Variants in TTLL5 observed in about 807,000 individuals in gnomAD.
The protein encoded by TTLL5 is tubulin tyrosine ligase like 5, also known as tubulin polyglutamylase TTLL5.
TTLL5 carries 132 observed loss-of-function variants against 168.4 expected under a neutral mutation model. The observed-to-expected ratio is 0.78, with a 90% CI of 0.68 to 0.91. The LOEUF is 0.91. Ranked by LOEUF, TTLL5 falls within the 40% of genes least tolerant of loss-of-function variation. TTLL5 has a pLI of 0.00. For synonymous variants in TTLL5, 546 were observed against 558.6 expected (o/e 0.98, Z 0.32); for missense variants, 1,545 against 1,581.5 (o/e 0.98, Z 0.39).
chr14:75,774,872 A>C (rs1021714158), intron 21 of TTLL5, among the ~76,000 whole-genome samples: 1 of 151,880 alleles, frequency 6.6e-6, no homozygotes, highest in Non-Finnish European at 1.5e-5. Context: ...TATTTTTCGT[A>C]GAAATGCAGT....
intron 27 of TTLL5, among the ~76,000 whole-genome samples, chr14:75,809,475 A>G (rs1304891241): frequency 6.6e-6 from 1 of 152,150 alleles, no homozygotes. Flanking sequence ...TTTGGGGGGT[A>G]CATATGATGT....
chr14:75,862,338 A>G (rs1247599362), intron 28 of TTLL5, among the ~76,000 whole-genome samples: 2 of 152,192 alleles, frequency 1.3e-5, no homozygotes, highest in African/African-American at 2.4e-5. Context: ...TTTTCTGTAT[A>G]TATCTACAAG....
intron 27 of TTLL5, among the ~76,000 whole-genome samples, chr14:75,817,326 A>G (rs1275099468): frequency 6.6e-6 from 1 of 152,020 alleles, no homozygotes; most frequent in African/African-American, 2.4e-5. Context: ...CCCCTTGTAG[A>G]AGCAGTAGGG....
chr14:75,776,967 C>A, intron 23 of TTLL5, 117 bp downstream of exon 23: 1 of 820,252 alleles, frequency 1.2e-6, no homozygotes, highest in Non-Finnish European at 1.9e-6. Flanking sequence ...ACTCTTAAAG[C>A]CGGGCACAGT....
intron 31 of TTLL5, among the ~76,000 whole-genome samples, chr14:75,942,005 C>T (rs1046266203): frequency 7.8e-6 from 1 of 128,782 alleles, no homozygotes; most frequent in Non-Finnish European, 1.6e-5. Context: ...CATGGTGAAA[C>T]CCATCTCTAC....
At chr14:75,928,404 C>CA (rs1336429435) in intron 31 of TTLL5, among the ~76,000 whole-genome samples, 4 of 125,500 alleles carry the variant, frequency 3.2e-5, no homozygotes. Flanking sequence ...ATTTCCTGGG[C>CA]AAAATGTTAT....
chr14:75,924,071 C>T (rs369965188), intron 31 of TTLL5, among the ~76,000 whole-genome samples: 10 of 148,686 alleles, frequency 6.7e-5, no homozygotes, highest in African/African-American at 2.5e-4. Flanking sequence ...TTCCATTTGC[C>T]TGGTAGATCT....
Position 75,863,670 on chromosome 14 carries a change from C to G in TTLL5, c.3330C>G (p.Ser1110Arg). The change falls in exon 29 of 32, where the codon AGC becomes AGG. Residue 1110 changes from serine (S) to arginine (R), a missense_variant. Physicochemically the swap from Ser to Arg is moderately radical, Grantham distance 110. Coordinates refer to ENST00000298832, the MANE Select transcript of TTLL5 (RefSeq NM_015072.5). ...ACCTGCTTGCTTTTCTCTTCAGGAG[C>G]CTGCAGACAGGGGGATTTGCCTGGG... The part of the protein sequence containing the change: ...ENHSSSPGSR[S>R]LQTGGFAWEG... 6.2e-7 allele frequency: 1 copy of G among 1,607,224 alleles called. No homozygotes were observed. The highest frequency in any genetic ancestry group is 8.5e-7 in the Non-Finnish European group (1 of 1,176,760).
chr14:75,669,763 A>G (rs1322285327), intron 3 of TTLL5, among the ~76,000 whole-genome samples: 1 of 152,130 alleles, frequency 6.6e-6, no homozygotes, highest in African/African-American at 2.4e-5. Flanking sequence ...AAATACACCT[A>G]ACAAAATTTA....
intron 28 of TTLL5, among the ~76,000 whole-genome samples, chr14:75,859,258 C>T (rs1897290088): frequency 6.6e-6 from 1 of 152,174 alleles, no homozygotes; most frequent in Non-Finnish European, 1.5e-5. Context: ...AAAAGTATAG[C>T]TCTTCAATGT....
intron 7 of TTLL5, 79 bp downstream of exon 7, chr14:75,699,349 G>C (rs747564577): frequency 1.6e-6 from 2 of 1,253,386 alleles, no homozygotes; most frequent in Non-Finnish European, 2.3e-6. Flanking sequence ...TACTAATATA[G>C]TTCCATTTCA....
chr14:75,939,929 A>G (rs898749939), intron 31 of TTLL5, among the ~76,000 whole-genome samples: 4 of 152,062 alleles, frequency 2.6e-5, no homozygotes, highest in Non-Finnish European at 5.9e-5. Context: ...CCCACCAAAG[A>G]TTTTCTCCAG....
chr14:75,817,705 A>G (rs1183242492), intron 27 of TTLL5, among the ~76,000 whole-genome samples: 3 of 151,382 alleles, frequency 2.0e-5, no homozygotes, highest in Admixed American at 1.3e-4. Context: ...GACTTTCACT[A>G]CTGTTCTCTA....
chr14:75,685,347 G>C (rs1003008926), intron 5 of TTLL5, among the ~76,000 whole-genome samples: 1 of 146,058 alleles, frequency 6.8e-6, no homozygotes, highest in African/African-American at 2.6e-5. Context: ...CTGCACTCCA[G>C]CCTGGGTAAC....
intron 31 of TTLL5, among the ~76,000 whole-genome samples, chr14:75,949,034 A>G (rs1354129215): frequency 6.6e-6 from 1 of 152,190 alleles, no homozygotes; most frequent in African/African-American, 2.4e-5. Flanking sequence ...TCTACAAACT[A>G]TTCCAGAGTA....
At chr14:75,719,971 C>A in intron 11 of TTLL5, 145 bp downstream of exon 11, 1 of 846,150 alleles carries the variant, frequency 1.2e-6, no homozygotes, top group Non-Finnish European at 1.9e-6. Flanking sequence ...CTGCAGTTGA[C>A]AAGCTGGGGA....
At chr14:75,782,639 C>A in intron 25 of TTLL5, 66 bp downstream of exon 25, 1 of 1,299,048 alleles carries the variant, frequency 7.7e-7, no homozygotes, top group Non-Finnish European at 1.1e-6. Context: ...AGGAAATAGT[C>A]ATCAGATATT....
At chr14:75,892,148 A>G (rs2032431973) in intron 30 of TTLL5, among the ~76,000 whole-genome samples, 1 of 152,248 alleles carries the variant, frequency 6.6e-6, no homozygotes. Context: ...AACAAAAGAA[A>G]AAATTAGATT....
chr14:75,944,783 A>G (rs1336178330), intron 31 of TTLL5, among the ~76,000 whole-genome samples: 3 of 152,220 alleles, frequency 2.0e-5, no homozygotes, highest in Non-Finnish European at 4.4e-5. Context: ...ATAGATAGGA[A>G]AAACCTGAAA....
Sources: allele counts gnomAD v4.1 joint callset (sites outside exome capture counted in the v4.1 genomes callset), GRCh38; gene constraint gnomAD v4.1.1; transcripts MANE v1.5; gene names NCBI Gene and HGNC (gene_info 2026-07-23, HGNC 2026-07-21).